NCAPD2: variants seen among roughly 807,000 people sequenced by gnomAD.
NCAPD2 encodes non-SMC condensin I complex subunit D2, also known as condensin complex subunit 1.
A neutral mutation model predicts 164.5 loss-of-function variants in NCAPD2; 100 were observed. That is an observed-to-expected ratio of 0.61 (90% CI 0.52 to 0.72). The LOEUF (loss-of-function observed/expected upper bound fraction) is 0.72, where lower values mean the gene tolerates loss of function less well. Among genes scored for constraint, NCAPD2 ranks in the 30% least tolerant of loss-of-function variants. NCAPD2 has a pLI of 0.00. For synonymous variants in NCAPD2, 585 were observed against 642.6 expected, an observed-to-expected ratio of 0.91 and a Z score of 1.36; for missense variants, 1,560 against 1,749.2, an observed-to-expected ratio of 0.89 and a Z score of 1.93.
At chr12:6,520,404 A>G (rs1477320332) in intron 13 of NCAPD2, among the ~76,000 whole-genome samples, 1 of 145,624 alleles carries the variant, frequency 6.9e-6, no homozygotes, top group Non-Finnish European at 1.5e-5. Context: ...CATTACACCC[A>G]CAGGCACACA....
At position 6,531,362 on chromosome 12, in the gene NCAPD2, A is replaced by G. The variant is rs769187957; in HGVS notation, c.4156A>G (p.Lys1386Glu). ...SAEMTEDETP[K>E]KTTPILRASA... ...AGAGATGACAGAAGACGAGACACCCAAGAAAACAACTCCCATTCTCAGAGC... is the reference window on the plus strand; with the variant it reads ...AGAGATGACAGAAGACGAGACACCCGAGAAAACAACTCCCATTCTCAGAGC... Residue 1386 changes from lysine to glutamate, a missense_variant, in exon 32 of 32, where the codon AAG becomes GAG. Transcript: ENST00000315579. The surrounding 1 kb of genome is among the most constrained non-coding windows in gnomAD (Gnocchi z 4.1). 9 of 1,613,966 alleles carry G rather than the reference A, an allele frequency of 5.6e-6. No homozygotes were observed. In the South Asian group the frequency reaches 8.8e-5, roughly 16 times the overall value.
At chr12:6,521,340 T>A (rs1946261848) in intron 14 of NCAPD2, among the ~76,000 whole-genome samples, 1 of 152,156 alleles carries the variant, frequency 6.6e-6, no homozygotes, top group Admixed American at 6.5e-5. Flanking sequence ...TTTGAGAAAT[T>A]TAGATATTTT....
At chr12:6,512,265 C>G (rs1946156660) in intron 6 of NCAPD2, among the ~76,000 whole-genome samples, 1 of 120,716 alleles carries the variant, frequency 8.3e-6, no homozygotes, top group Non-Finnish European at 1.7e-5. Context: ...GAGCAAGACT[C>G]CATCTCCAAA....
rs1268638829 is a variant in NCAPD2 at position 6,514,925 on chromosome 12, G to A, written c.987+5G>A. The A allele has an allele frequency of 6.2e-7, 1 of 1,614,176 alleles. No individual in the cohort carries two copies. Among genetic ancestry groups the A allele is most frequent in the Non-Finnish European group, 8.5e-7 (1 of 1,180,022 alleles). On this transcript the variant is annotated splice_donor_5th_base_variant and intron_variant, in intron 9 of 31. Coordinates refer to ENST00000315579, the MANE Select transcript of NCAPD2 (RefSeq NM_014865.4). ...CTAGATCACCTGGATGGAGAAGTAGGTGGTCCACTAGGGGTCACTGAGCTT... is the reference window on the plus strand; with the variant it reads ...CTAGATCACCTGGATGGAGAAGTAGATGGTCCACTAGGGGTCACTGAGCTT...
At position 6,528,938 on chromosome 12, in the gene NCAPD2, C is replaced by G; in HGVS notation, c.3478-7C>G. 6.2e-7 allele frequency: 1 copy of G among 1,614,128 alleles called. No individual in the cohort carries two copies. The highest frequency in any genetic ancestry group is 2.2e-5 in the East Asian group (1 of 44,882). On this transcript the variant is annotated splice_polypyrimidine_tract_variant and splice_region_variant and intron_variant, in intron 26 of 31. Transcript: ENST00000315579. This position sits in a 1 kb window ranked among gnomAD's most constrained non-coding sequence, Gnocchi z 5.1. ...ATCTCCTTAACATGGCTCTCTCTGT[C>G]TTACAGGGCAACGCAATCTATAATC...
rs1212794472 is a variant in NCAPD2 at position 6,526,437 on chromosome 12, C to T, written c.2567-11C>T. ...TGTTGCAGTAAACAACTTCTCCCTC[C>T]TCCTCTGCAGGCTTTGTCCACCCAG... is the stretch of plus-strand genomic sequence containing the variant. On this transcript the variant is annotated splice_polypyrimidine_tract_variant and intron_variant, in intron 20 of 31. Transcript: ENST00000315579. The T allele has an allele frequency of 2.5e-6, 4 of 1,614,052 alleles. No individual in the cohort carries two copies. The highest frequency in any genetic ancestry group is 1.7e-5 in the Admixed American group (1 of 60,006).
intron 4 of NCAPD2, 86 bp from the exon 5 acceptor site, chr12:6,510,543 C>G: frequency 6.9e-7 from 1 of 1,446,232 alleles, no homozygotes; most frequent in Non-Finnish European, 9.7e-7. Context: ...CTTTGGTAAT[C>G]TGATGGCTGC....
At chr12:6,514,718 T>G in intron 8 of NCAPD2, 55 bp from the exon 9 acceptor site, 1 of 1,608,160 alleles carries the variant, frequency 6.2e-7, no homozygotes, top group Non-Finnish European at 8.5e-7. Context: ...CTTCCCTTAC[T>G]GGGAACTGAA....
At chr12:6,512,975 G>C (rs1268205185) in intron 6 of NCAPD2, among the ~76,000 whole-genome samples, 5 of 152,186 alleles carry the variant, frequency 3.3e-5, no homozygotes, top group African/African-American at 1.2e-4. Flanking sequence ...TGGTAACTGA[G>C]ATAGGGAGAA....
chr12:6,501,449 A>G (rs1284540821), intron 2 of NCAPD2, among the ~76,000 whole-genome samples: 5 of 151,840 alleles, frequency 3.3e-5, no homozygotes. Flanking sequence ...CGGCCTCCCA[A>G]AATGTTGGGA....
rs77386791 is a variant in NCAPD2, at chr12:6,517,249, T to C, written c.1186-116T>C. ...AGGAGTACTCCTAATCTATATTCTG[T>C]AGAAAGGGTTTTTAGAGTGAGTGGG... On this transcript the variant is annotated intron_variant, in intron 10 of 31. Coordinates refer to ENST00000315579, the MANE Select transcript of NCAPD2 (RefSeq NM_014865.4). 13 of 1,455,576 alleles carry C rather than the reference T, an allele frequency of 8.9e-6. No homozygotes were observed. The East Asian group carries it at 3.0e-4, about 33-fold the overall frequency. 90.2% of individuals were successfully genotyped at this position (1,455,576 alleles called of 1,614,324 possible). A position where few individuals can be genotyped will look rare whatever the true frequency, so the allele number is the denominator to read the frequency against.
intron 3 of NCAPD2, 54 bp downstream of exon 3, chr12:6,509,846 A>G (rs897829189): frequency 4.8e-5 from 76 of 1,570,122 alleles, no homozygotes; most frequent in Non-Finnish European, 6.1e-5. Flanking sequence ...TGTTTGTCCT[A>G]ACTGTGCATG....
At chr12:6,525,516 A>C in intron 17 of NCAPD2, 67 bp from the exon 18 acceptor site, 1 of 1,547,418 alleles carries the variant, frequency 6.5e-7, no homozygotes, top group Non-Finnish European at 8.7e-7. Context: ...TATCATCTTC[A>C]GAAAAGCAGA....
chr12:6,501,056 CTT>C (rs35142882), intron 2 of NCAPD2, among the ~76,000 whole-genome samples: 2,371 of 127,040 alleles, frequency 0.019, 55 homozygotes, highest in African/African-American at 0.061. Flanking sequence ...GATTACAAGG[CTT>C]TTTTTTTTTT....
intron 14 of NCAPD2, 122 bp from the exon 15 acceptor site, chr12:6,521,676 A>AC: frequency 8.0e-7 from 1 of 1,254,478 alleles, no homozygotes; most frequent in Non-Finnish European, 1.1e-6. Flanking sequence ...ACAGAGTGAG[A>AC]CCCCATCTCA....
chr12:6,529,488 ACATCCT>A lies in NCAPD2; in HGVS notation c.3573-20_3573-15del, dbSNP rs1437684076. 6.2e-7 allele frequency: 1 copy of A among 1,607,514 alleles called. No homozygotes were observed. The highest frequency in any genetic ancestry group is 2.2e-5 in the East Asian group (1 of 44,804). On this transcript the variant is annotated intron_variant, in intron 27 of 31. Transcript: ENST00000315579. ...GGCAGAGCTGGCCCTGGGCCATCGAACATCCTCATCTCCCCTTCCTGCAGACAGCTC... is the reference window on the plus strand; with the variant it reads ...GGCAGAGCTGGCCCTGGGCCATCGAACATCTCCCCTTCCTGCAGACAGCTC...
At chr12:6,497,833 G>A (rs906907817) in intron 2 of NCAPD2, among the ~76,000 whole-genome samples, 3 of 152,056 alleles carry the variant, frequency 2.0e-5, no homozygotes, top group African/African-American at 7.2e-5. Flanking sequence ...TGGTCAGGCT[G>A]GTCTCCAACT....
intron 9 of NCAPD2, 130 bp downstream of exon 9, chr12:6,515,050 T>C: frequency 2.0e-6 from 2 of 1,016,398 alleles, no homozygotes; most frequent in South Asian, 3.2e-5. Context: ...GACATTTCCT[T>C]TCTGTAGAGA....
chr12:6,525,261 G>T (rs1359593880), intron 17 of NCAPD2, among the ~76,000 whole-genome samples: 2 of 152,216 alleles, frequency 1.3e-5, no homozygotes, highest in Admixed American at 1.3e-4. Context: ...TGGCTTCCAT[G>T]TTGGACATGT....
Sources: gnomAD v4.1 joint callset for allele counts (sites outside exome capture counted in the v4.1 genomes callset) on GRCh38, gnomAD v4.1.1 for gene constraint, Gnocchi (gnomAD v3.1) non-coding constraint, MANE v1.5 for transcripts, NCBI Gene and HGNC (gene_info 2026-07-23, HGNC 2026-07-21) for gene names.